KCND3: variants seen among roughly 807,000 people sequenced by gnomAD.
KCND3 encodes the protein potassium voltage-gated channel subfamily D member 3.
Under a neutral mutation model 51.1 loss-of-function variants are expected in KCND3, and 9 were observed. The ratio of observed to expected loss-of-function variants is 0.18; its 90% CI spans 0.11 to 0.31. KCND3 has a LOEUF of 0.31. Ranked by LOEUF, KCND3 falls within the 10% of genes least tolerant of loss-of-function variation. KCND3 has a pLI of 1.00. For missense variants in KCND3, 526 were observed against 903.8 expected, an observed-to-expected ratio of 0.58 and a Z score of 5.36; for synonymous variants, 349 against 368.0, an observed-to-expected ratio of 0.95 and a Z score of 0.59.
rs768931328 is a variant in KCND3, at chr1:111,773,927, T to A, written c.*2150A>T. The A allele has an allele frequency of 1.3e-5, 2 of 152,192 alleles. No individual in the cohort carries two copies. The highest frequency in any genetic ancestry group is 6.5e-5 in the Admixed American group (1 of 15,290). The allele number at this position is 152,192 out of a possible 1,614,324, so 9.4% of individuals were successfully genotyped here. On this transcript the variant is annotated 3_prime_UTR_variant, in exon 8 of 8. Coordinates refer to ENST00000302127, the MANE Select transcript of KCND3 (RefSeq NM_001378969.1). ...ATTGATTTAAGTATGTATTCTCTGA[T>A]GTGTTTAGGTTGGTTGTGTGTATAC...
chr1:111,794,381 G>A (rs1382177980), intron 2 of KCND3, among the ~76,000 whole-genome samples: 1 of 152,204 alleles, frequency 6.6e-6, no homozygotes, highest in African/African-American at 2.4e-5. Flanking sequence ...CCTGTGTGGT[G>A]GGGAGTCCAT....
chr1:111,877,781 C>T (rs548710272), intron 2 of KCND3, among the ~76,000 whole-genome samples: 9 of 152,264 alleles, frequency 5.9e-5, no homozygotes, highest in South Asian at 2.1e-4. Flanking sequence ...AGTTCATCCC[C>T]TCTTGAAGTA....
chr1:111,813,641 G>A (rs629732), intron 2 of KCND3, among the ~76,000 whole-genome samples: 91,562 of 152,054 alleles, frequency 0.6, 27,828 homozygotes, highest in East Asian at 0.78. Flanking sequence ...TACCAGGTGC[G>A]GAGGCTCTGC....
At chr1:111,986,437 G>T (rs1376318746) in intron 1 of KCND3, among the ~76,000 whole-genome samples, 1 of 152,148 alleles carries the variant, frequency 6.6e-6, no homozygotes, top group Non-Finnish European at 1.5e-5. Context: ...GCCCAATACT[G>T]ATGTTCCCAA....
At chr1:111,810,932 G>A (rs1217955496) in intron 2 of KCND3, among the ~76,000 whole-genome samples, 1 of 152,138 alleles carries the variant, frequency 6.6e-6, no homozygotes, top group African/African-American at 2.4e-5. Flanking sequence ...CAATAATTGG[G>A]CTAAAATAAT....
chr1:111,867,325 T>C (rs542142639), intron 2 of KCND3, among the ~76,000 whole-genome samples: 8 of 151,684 alleles, frequency 5.3e-5, no homozygotes, highest in East Asian at 3.9e-4. Flanking sequence ...TGGATGCAAA[T>C]AGAACTAAAC....
chr1:111,804,269 G>T (rs1051193707), intron 2 of KCND3, among the ~76,000 whole-genome samples: 1 of 152,224 alleles, frequency 6.6e-6, no homozygotes, highest in Non-Finnish European at 1.5e-5. Context: ...TGCTCTCCTT[G>T]TTGGTCAATA....
chr1:111,778,640 C>G (rs1056694593), intron 5 of KCND3, 148 bp from the exon 6 acceptor site: 8 of 796,798 alleles, frequency 1.0e-5, no homozygotes, highest in African/African-American at 6.8e-5. Flanking sequence ...CATTCTGCCC[C>G]CTTCCTCCCA....
At position 111,860,239 on chromosome 1, in the gene KCND3, A is replaced by T. The variant is rs535531005; in HGVS notation, c.1107-73133T>A. Among the ~76,000 whole-genome samples, 172 of 152,366 alleles carry T rather than the reference A, an allele frequency of 1.1e-3. 1 individual carries two copies. The highest frequency in any genetic ancestry group is 4.0e-3 in the African/African-American group (168 of 41,588). ...TTTAAGCCACACAAAACCCCTAAGA[A>T]GTAGCTATTGTTAATCTCATTTAGC... is the stretch of plus-strand genomic sequence containing the variant. On this transcript the variant is annotated intron_variant, in intron 2 of 7. Coordinates refer to ENST00000302127, the MANE Select transcript of KCND3 (RefSeq NM_001378969.1).
intron 2 of KCND3, among the ~76,000 whole-genome samples, chr1:111,890,443 T>C (rs1669775941): frequency 1.3e-5 from 2 of 152,192 alleles, no homozygotes; most frequent in South Asian, 4.1e-4. Context: ...GGAGCAGCTT[T>C]GGGCCAGGCA....
intron 2 of KCND3, among the ~76,000 whole-genome samples, chr1:111,874,752 G>A (rs1004418597): frequency 2.6e-5 from 4 of 152,086 alleles, no homozygotes; most frequent in Admixed American, 6.5e-5. Flanking sequence ...TGACACACAC[G>A]CCTTTTCTTC....
At chr1:111,976,314 C>A (rs1351831071) in intron 2 of KCND3, among the ~76,000 whole-genome samples, 1 of 152,150 alleles carries the variant, frequency 6.6e-6, no homozygotes, top group Non-Finnish European at 1.5e-5. Flanking sequence ...GCAAGAAAGC[C>A]CCAACCCTCC....
At chr1:111,922,284 C>T (rs1671508606) in intron 2 of KCND3, among the ~76,000 whole-genome samples, 1 of 152,164 alleles carries the variant, frequency 6.6e-6, no homozygotes, top group African/African-American at 2.4e-5. Context: ...GAGATTTTAG[C>T]CCATTCCAGC....
At chr1:111,925,778 G>A (rs896870866) in intron 2 of KCND3, among the ~76,000 whole-genome samples, 1 of 152,102 alleles carries the variant, frequency 6.6e-6, no homozygotes, top group Non-Finnish European at 1.5e-5. Flanking sequence ...GAAAGCTGGG[G>A]TGTGGTGGTT....
chr1:111,872,779 G>A (rs1389945377), intron 2 of KCND3, among the ~76,000 whole-genome samples: 1 of 152,054 alleles, frequency 6.6e-6, no homozygotes, highest in Non-Finnish European at 1.5e-5. Context: ...TCCACTTCAG[G>A]CCCTTTAAGT....
In KCND3 at chr1:111,778,636, G is replaced by A. The variant is rs144732557; in HGVS notation, c.1462-144C>T. On this transcript the variant is annotated intron_variant, in intron 5 of 7. Coordinates refer to ENST00000302127, the MANE Select transcript of KCND3 (RefSeq NM_001378969.1). ...TTCCACCCCTCATTCCCAGCATTCT[G>A]CCCCCTTCCTCCCAACATTCCACCC... 68 of 807,052 alleles carry A rather than the reference G, an allele frequency of 8.4e-5. No individual in the cohort carries two copies. The African/African-American group carries it at 1.0e-3, about 12-fold the overall frequency. 50.0% of individuals were successfully genotyped at this position (807,052 alleles called of 1,614,324 possible).
At chr1:111,912,447 A>T (rs1009511018) in intron 2 of KCND3, among the ~76,000 whole-genome samples, 1 of 152,216 alleles carries the variant, frequency 6.6e-6, no homozygotes, top group Non-Finnish European at 1.5e-5. Context: ...ATAATAAGTG[A>T]CCATGTTACT....
intron 2 of KCND3, among the ~76,000 whole-genome samples, chr1:111,874,407 A>G (rs1418672260): frequency 6.6e-6 from 1 of 152,120 alleles, no homozygotes; most frequent in Non-Finnish European, 1.5e-5. Flanking sequence ...GAACTTCCAG[A>G]AGTTCTTTTC....
intron 2 of KCND3, among the ~76,000 whole-genome samples, chr1:111,833,797 G>A (rs1666955104): frequency 6.6e-6 from 1 of 151,908 alleles, no homozygotes; most frequent in South Asian, 2.1e-4. Context: ...TTCAAGGAAG[G>A]TGGTGGTGGG....
Sources: gnomAD v4.1 joint callset for allele counts (sites outside exome capture counted in the v4.1 genomes callset) on GRCh38, gnomAD v4.1.1 for gene constraint, MANE v1.5 for transcripts, NCBI Gene and HGNC (gene_info 2026-07-23, HGNC 2026-07-21) for gene names.